The following DGKB variants were observed in gnomAD, a reference collection of about 807,000 sequenced individuals.
The protein encoded by DGKB is 90 kDa diacylglycerol kinase.
A neutral mutation model predicts 114.3 loss-of-function variants in DGKB; 67 were observed. The observed-to-expected ratio is 0.59, with a 90% CI of 0.48 to 0.72. DGKB has a LOEUF of 0.72. Ranked by LOEUF, DGKB falls within the 30% of genes least tolerant of loss-of-function variation. The pLI is 0.00. For synonymous variants in DGKB, 398 were observed against 323.1 expected, an observed-to-expected ratio of 1.23 and a Z score of -2.49; for missense variants, 907 against 975.2, an observed-to-expected ratio of 0.93 and a Z score of 0.93.
At chr7:14,890,645 C>A (rs989916984) in intron 1 of DGKB, among the ~76,000 whole-genome samples, 14 of 151,278 alleles carry the variant, frequency 9.3e-5, no homozygotes, top group Non-Finnish European at 1.5e-5. Flanking sequence ...GGCATATTAT[C>A]CTTTAAATGA....
intron 13 of DGKB, among the ~76,000 whole-genome samples, chr7:14,648,230 G>A (rs1212341408): frequency 3.9e-5 from 6 of 152,216 alleles, no homozygotes; most frequent in African/African-American, 9.6e-5. Context: ...AACCTCTGCA[G>A]ACTTAAATGT....
chr7:14,499,623 T>A (rs1353910496), intron 20 of DGKB, among the ~76,000 whole-genome samples: 9 of 151,772 alleles, frequency 5.9e-5, no homozygotes, highest in African/African-American at 2.2e-4. Context: ...AAATTCTTTT[T>A]ACAAGCAAGG....
At chr7:14,828,434 T>C (rs1845982595) in intron 2 of DGKB, among the ~76,000 whole-genome samples, 1 of 152,180 alleles carries the variant, frequency 6.6e-6, no homozygotes, top group East Asian at 1.9e-4. Context: ...AGCTGACATA[T>C]TGGTAGATGC....
intron 1 of DGKB, among the ~76,000 whole-genome samples, chr7:14,854,223 G>T (rs1431452445): frequency 6.6e-6 from 1 of 152,080 alleles, no homozygotes; most frequent in Admixed American, 6.5e-5. Flanking sequence ...AGGTAACTCT[G>T]GAGCTTAATC....
rs62443483 is a variant in DGKB at position 14,508,132 on chromosome 7, C to T, written c.1771-29907G>A. ...ATATTAGTTATGAATAAAGGAGAAA[C>T]GTGCATCTTGTCTTTATTTATATAA... On this transcript the variant is annotated intron_variant, in intron 20 of 25. Transcript: ENST00000402815. Among the ~76,000 whole-genome samples the T allele has an allele frequency of 5.4e-3, 820 of 152,164 alleles. 5 individuals are homozygous for T. Among genetic ancestry groups the T allele is most frequent in the Middle Eastern group, 0.017 (5 of 292 alleles).
rs73272143 is a variant in DGKB, at chr7:14,692,454, A to C, written c.711+1621T>G. ...TTTTTCAGGATAAAGTATACATTAA[A>C]CCTTAAAATGTCAACATTTTGTCAA... On this transcript the variant is annotated intron_variant, in intron 9 of 25. Transcript: ENST00000402815. Among the ~76,000 whole-genome samples the C allele has an allele frequency of 8.0e-3, 1,223 of 151,970 alleles. 11 individuals carry two copies. The highest frequency in any genetic ancestry group is 0.028 in the African/African-American group (1,157 of 41,484).
chr7:14,220,937 T>A (rs528931484), intron 23 of DGKB, among the ~76,000 whole-genome samples: 2 of 151,462 alleles, frequency 1.3e-5, no homozygotes, highest in East Asian at 3.9e-4. Flanking sequence ...TCTGAGGCTA[T>A]AATAAAATTT....
intron 23 of DGKB, among the ~76,000 whole-genome samples, chr7:14,331,596 A>C (rs1428622049): frequency 6.6e-6 from 1 of 152,088 alleles, no homozygotes; most frequent in Non-Finnish European, 1.5e-5. Context: ...CAAAGTGTAC[A>C]ATTATCTGGG....
chr7:14,565,048 G>T (rs1010759369), intron 20 of DGKB, among the ~76,000 whole-genome samples: 4 of 152,256 alleles, frequency 2.6e-5, no homozygotes, highest in East Asian at 1.9e-4. Flanking sequence ...CCGTCAAGAG[G>T]TAGATTCTAT....
At chr7:14,815,355 C>G (rs1843976971) in intron 2 of DGKB, 1 of 152,184 alleles carries the variant, frequency 6.6e-6, no homozygotes, top group Admixed American at 6.6e-5. Flanking sequence ...CTCCCAGGTC[C>G]CCTTACAGCA....
chr7:14,593,560 T>A (rs1802035601), intron 17 of DGKB, among the ~76,000 whole-genome samples: 3 of 151,966 alleles, frequency 2.0e-5, no homozygotes, highest in African/African-American at 7.2e-5. Flanking sequence ...TTTATTAGTA[T>A]AAGTAAAACA....
intron 25 of DGKB, among the ~76,000 whole-genome samples, chr7:14,151,151 T>C (rs1782134737): frequency 6.6e-6 from 1 of 152,054 alleles, no homozygotes; most frequent in African/African-American, 2.4e-5. Context: ...TAACCTTAGA[T>C]TCAAACAGAA....
intron 23 of DGKB, among the ~76,000 whole-genome samples, chr7:14,194,978 C>T (rs1051816971): frequency 3.3e-5 from 5 of 152,108 alleles, no homozygotes; most frequent in East Asian, 1.9e-4. Flanking sequence ...ACCACAGGAA[C>T]GCAACCAAAT....
intron 1 of DGKB, among the ~76,000 whole-genome samples, chr7:14,967,077 A>C (rs1787198963): frequency 6.6e-6 from 1 of 152,154 alleles, no homozygotes; most frequent in African/African-American, 2.4e-5. Flanking sequence ...GGTTTATGGT[A>C]GTTATTGGTT....
intron 1 of DGKB, among the ~76,000 whole-genome samples, chr7:14,881,617 G>C (rs1232859347): frequency 6.6e-6 from 1 of 152,060 alleles, no homozygotes; most frequent in Non-Finnish European, 1.5e-5. Context: ...TATGTGTGTA[G>C]AATGCTAGTT....
At chr7:14,484,090 C>T (rs2128918218) in intron 20 of DGKB, among the ~76,000 whole-genome samples, 1 of 151,398 alleles carries the variant, frequency 6.6e-6, no homozygotes, top group South Asian at 2.1e-4. Context: ...TTCTTGAATC[C>T]ATGGTTATTT....
At chr7:14,589,616 A>G (rs1462022968) in intron 17 of DGKB, among the ~76,000 whole-genome samples, 1 of 151,990 alleles carries the variant, frequency 6.6e-6, no homozygotes, top group African/African-American at 2.4e-5. Flanking sequence ...TTTTTACTAT[A>G]TAAAAATATT....
upstream of DGKB, among the ~76,000 whole-genome samples, chr7:14,904,219 T>TACACACAC (rs10624589): frequency 9.2e-4 from 139 of 150,852 alleles, no homozygotes; most frequent in African/African-American, 3.2e-3. Flanking sequence ...CCCTCCTAAA[T>TACACACAC]ACACACACAC....
At chr7:14,176,987 A>T (rs1282709327) in intron 24 of DGKB, 88 bp from the exon 25 acceptor site, 1 of 1,490,392 alleles carries the variant, frequency 6.7e-7, no homozygotes, top group African/African-American at 1.4e-5. Context: ...GAGACCAGGG[A>T]AGGCAATATG....
Sources: gnomAD v4.1 joint callset for allele counts (sites outside exome capture counted in the v4.1 genomes callset) on GRCh38, gnomAD v4.1.1 for gene constraint, MANE v1.5 for transcripts, NCBI Gene and HGNC (gene_info 2026-07-23, HGNC 2026-07-21) for gene names.